EXOC5: variants seen among roughly 807,000 people sequenced by gnomAD.
EXOC5 encodes the protein SEC10-like 1.
A neutral mutation model predicts 90.8 loss-of-function variants in EXOC5; 17 were observed. The observed-to-expected ratio is 0.19, with a 90% CI of 0.13 to 0.28. EXOC5 has a LOEUF of 0.28. EXOC5 is among the 10% of genes least tolerant of loss of function. The probability of loss-of-function intolerance (pLI) is 1.00; values close to 1 mark genes in which losing one functional copy is unlikely to be tolerated. For synonymous variants in EXOC5, 260 were observed against 270.0 expected, an observed-to-expected ratio of 0.96 and a Z score of 0.36; for missense variants, 569 against 830.6, an observed-to-expected ratio of 0.69 and a Z score of 3.87.
At chr14:57,259,644 CT>C (rs1884444752) in intron 1 of EXOC5, among the ~76,000 whole-genome samples, 1 of 152,228 alleles carries the variant, frequency 6.6e-6, no homozygotes, top group Non-Finnish European at 1.5e-5. Flanking sequence ...CCCGTTTCTT[CT>C]TTGAAGGGTT....
chr14:57,211,858 C>T (rs945039056), intron 15 of EXOC5, among the ~76,000 whole-genome samples: 1 of 151,960 alleles, frequency 6.6e-6, no homozygotes, highest in African/African-American at 2.4e-5. Flanking sequence ...GGGCAAGACT[C>T]TGTCTCCAAA....
chr14:57,256,804 C>T (rs1381515893), intron 1 of EXOC5, among the ~76,000 whole-genome samples: 3 of 152,180 alleles, frequency 2.0e-5, no homozygotes, highest in African/African-American at 7.2e-5. Context: ...AAGGGCCAGA[C>T]CACTTTGGTC....
chr14:57,259,107 C>T (rs1005591176), intron 1 of EXOC5, among the ~76,000 whole-genome samples: 8 of 151,710 alleles, frequency 5.3e-5, no homozygotes, highest in African/African-American at 1.9e-4. Context: ...AATTCACACA[C>T]ACTTTTCTTT....
chr14:57,227,945 T>TACACACAC lies in EXOC5; in HGVS notation c.1296+1781_1296+1788dup, dbSNP rs60100460. On this transcript the variant is annotated intron_variant, in intron 12 of 17. Coordinates refer to ENST00000621441, the MANE Select transcript of EXOC5 (RefSeq NM_006544.4). ...AAATAAGTTTACATACATATATATA[T>TACACACAC]ACACACACACACACACACACACACA... 2.1e-5 allele frequency among the ~76,000 whole-genome samples: 3 copies of TACACACAC among 145,920 alleles called. No individual in the cohort carries two copies. In the Admixed American group the frequency reaches 2.1e-4, roughly 10 times the overall value.
chr14:57,212,246 G>A (rs1882850940), intron 15 of EXOC5, among the ~76,000 whole-genome samples: 1 of 152,186 alleles, frequency 6.6e-6, no homozygotes, highest in Non-Finnish European at 1.5e-5. Context: ...TTGGGAAAGA[G>A]TATGACACGA....
intron 11 of EXOC5, among the ~76,000 whole-genome samples, chr14:57,230,205 C>T (rs755417444): frequency 5.9e-5 from 9 of 151,912 alleles, no homozygotes; most frequent in Non-Finnish European, 8.8e-5. Context: ...TTCTAAATAA[C>T]GAAATAGTCC....
At chr14:57,267,628 G>C (rs1856738290) in intron 1 of EXOC5, among the ~76,000 whole-genome samples, 1 of 151,992 alleles carries the variant, frequency 6.6e-6, no homozygotes. Flanking sequence ...TTTCTTATCC[G>C]TTTTCATTTC....
rs534636595 is a variant in EXOC5, at chr14:57,261,893, CT to C, written c.27+6728del. Among the ~76,000 whole-genome samples, 695 of 152,316 alleles carry C rather than the reference CT, an allele frequency of 4.6e-3. 11 individuals are homozygous for C. Among genetic ancestry groups the C allele is most frequent in the African/African-American group, 0.016 (663 of 41,572 alleles). On this transcript the variant is annotated intron_variant, in intron 1 of 17. Coordinates refer to ENST00000621441, the MANE Select transcript of EXOC5 (RefSeq NM_006544.4). Reference sequence around the variant, plus strand: ...CCTTGCAAATCACTACATAGCATCACTTCTATAGTCATAGGCCTGTACAGAT... The same window carrying C: ...CCTTGCAAATCACTACATAGCATCACTCTATAGTCATAGGCCTGTACAGAT...
At chr14:57,218,588 C>A (rs1420521687) in intron 14 of EXOC5, among the ~76,000 whole-genome samples, 3 of 151,968 alleles carry the variant, frequency 2.0e-5, no homozygotes, top group Non-Finnish European at 4.4e-5. Context: ...AAGAAATAGG[C>A]AACCCTAATA....
rs918005386 is a variant in EXOC5, at chr14:57,201,435, CACACACGTGTGTATATAT to C, written c.*7156_*7173del. On this transcript the variant is annotated 3_prime_UTR_variant, in exon 18 of 18. Coordinates refer to ENST00000621441, the MANE Select transcript of EXOC5 (RefSeq NM_006544.4). ...TCTGATTAGTATATATATATACACA[CACACACGTGTGTATATAT>C]ACACACGCGTGTATATGTACACACA... 6.9e-6 allele frequency: 1 copy of C among 144,510 alleles called. No individual in the cohort carries two copies. Among genetic ancestry groups the C allele is most frequent in the African/African-American group, 2.6e-5 (1 of 38,478 alleles). The allele number at this position is 144,510 out of a possible 1,614,324, so 9.0% of individuals were successfully genotyped here. A position where few individuals can be genotyped will look rare whatever the true frequency, so the allele number is the denominator to read the frequency against.
At position 57,230,262 on chromosome 14, in the gene EXOC5, C is replaced by A. The variant is rs555802892; in HGVS notation, c.1149-381G>T. Among the ~76,000 whole-genome samples, 9 of 152,118 alleles carry A rather than the reference C, an allele frequency of 5.9e-5. No homozygotes were observed. The East Asian group carries it at 1.7e-3, about 29-fold the overall frequency. ...AAGTTTAACAATTTTAAAATATAGT[C>A]ATTTTAAGATTATGCACATTTATTC... On this transcript the variant is annotated intron_variant, in intron 11 of 17. Coordinates refer to ENST00000621441, the MANE Select transcript of EXOC5 (RefSeq NM_006544.4).
At chr14:57,246,600 A>T in intron 3 of EXOC5, 111 bp downstream of exon 3, 1 of 923,534 alleles carries the variant, frequency 1.1e-6, no homozygotes, top group Non-Finnish European at 1.7e-6. Flanking sequence ...AGTAGAAAGA[A>T]ATCTTGACAG....
intron 15 of EXOC5, among the ~76,000 whole-genome samples, chr14:57,217,379 A>T (rs1883005274): frequency 6.6e-6 from 1 of 152,180 alleles, no homozygotes; most frequent in Admixed American, 6.5e-5. Context: ...CCACTTTTCC[A>T]ACAGCATGTG....
Position 57,233,781 on chromosome 14 carries a change from C to A in EXOC5, c.817G>T (p.Ala273Ser). ...TCAAATACATTTTGAATAAGTTTAG[C>A]CAGGACTGTTTCTGGATTACTGAAG... ...DIFSNPETVL[A>S]KLIQNVFEIK... is the part of the protein sequence containing the mutation. Residue 273 changes from alanine to serine, a missense_variant, in exon 9 of 18, where the codon GCT becomes TCT. Physicochemically the swap from Ala to Ser is moderately conservative, Grantham distance 99. This residue lies in a region of EXOC5 where 114 missense variants were observed against 111.2 expected (regional missense o/e 1.03). Coordinates refer to ENST00000621441, the MANE Select transcript of EXOC5 (RefSeq NM_006544.4). 3.1e-6 allele frequency: 5 copies of A among 1,593,578 alleles called. No homozygotes were observed. Among genetic ancestry groups the A allele is most frequent in the Non-Finnish European group, 4.3e-6 (5 of 1,161,972 alleles).
intron 5 of EXOC5, among the ~76,000 whole-genome samples, chr14:57,238,055 G>A (rs1883718853): frequency 1.3e-5 from 2 of 151,732 alleles, no homozygotes; most frequent in Admixed American, 6.6e-5. Context: ...GAGGAGAGTG[G>A]CTGGCAAAAG....
chr14:57,238,375 T>TATATATATATATAC (rs1239623225), intron 5 of EXOC5, among the ~76,000 whole-genome samples: 7 of 74,894 alleles, frequency 9.3e-5, no homozygotes, highest in Non-Finnish European at 1.1e-4. Context: ...TATATATATA[T>TATATATATATATAC]ACACACACAC....
intron 3 of EXOC5, among the ~76,000 whole-genome samples, chr14:57,246,265 T>C (rs1268834558): frequency 6.6e-6 from 1 of 152,160 alleles, no homozygotes; most frequent in African/African-American, 2.4e-5. Flanking sequence ...CTCATGACTT[T>C]TGTGAAACTT....
chr14:57,229,245 A>T (rs2139632001), intron 12 of EXOC5, among the ~76,000 whole-genome samples: 1 of 152,324 alleles, frequency 6.6e-6, no homozygotes, highest in East Asian at 1.9e-4. Context: ...CCAAAATAAA[A>T]ATCCTATCTT....
Position 57,268,854 on chromosome 14 carries a change from C to T in EXOC5, c.-206G>A. 4 of 1,310,432 alleles carry T rather than the reference C, an allele frequency of 3.1e-6. No homozygotes were observed. The highest frequency in any genetic ancestry group is 4.0e-6 in the Non-Finnish European group (4 of 1,003,316). The allele number at this position is 1,310,432 out of a possible 1,614,324, so 81.2% of individuals were successfully genotyped here. A position where few individuals can be genotyped will look rare whatever the true frequency, so the allele number is the denominator to read the frequency against. The stretch of plus-strand genomic sequence containing the variant: ...CAAACGCTTGTCAGCTGCCTCCCGG[C>T]GCCGCCCGCGCTGCTCCCATTGTCA... On this transcript the variant is annotated 5_prime_UTR_variant, in exon 1 of 18. Coordinates refer to ENST00000621441, the MANE Select transcript of EXOC5 (RefSeq NM_006544.4).
Sources: allele counts gnomAD v4.1 joint callset (sites outside exome capture counted in the v4.1 genomes callset), GRCh38; gene constraint gnomAD v4.1.1; regional missense constraint gnomAD v4.1.1; transcripts MANE v1.5; gene names NCBI Gene and HGNC (gene_info 2026-07-23, HGNC 2026-07-21).